HCN1: variants seen among roughly 807,000 people sequenced by gnomAD.
HCN1 encodes hyperpolarization activated cyclic nucleotide gated potassium channel 1, also known as potassium/sodium hyperpolarization-activated cyclic nucleotide-gated channel 1.
HCN1 carries 13 observed loss-of-function variants against 78.9 expected under a neutral mutation model. That is an observed-to-expected ratio of 0.16 (90% CI 0.11 to 0.26). HCN1 has a LOEUF of 0.26. Among genes scored for constraint, HCN1 ranks in the 10% least tolerant of loss-of-function variants. The probability of loss-of-function intolerance (pLI) is 1.00; values close to 1 mark genes in which losing one functional copy is unlikely to be tolerated. For missense variants in HCN1, 810 were observed against 1,154.3 expected (o/e 0.70, Z 4.32); for synonymous variants, 552 against 455.5 (o/e 1.21, Z -2.70).
chr5:45,595,055 A>G (rs1663475973), intron 2 of HCN1, among the ~76,000 whole-genome samples: 1 of 152,240 alleles, frequency 6.6e-6, no homozygotes, highest in African/African-American at 2.4e-5. Context: ...GAAAAGAAAG[A>G]CAAATGGTAA....
chr5:45,475,471 G>A (rs1034101389), intron 2 of HCN1, among the ~76,000 whole-genome samples: 1 of 152,002 alleles, frequency 6.6e-6, no homozygotes, highest in African/African-American at 2.4e-5. Flanking sequence ...GAGCTAATGG[G>A]CTAACTCTGT....
At chr5:45,344,959 C>A (rs889883880) in intron 5 of HCN1, among the ~76,000 whole-genome samples, 2 of 152,204 alleles carry the variant, frequency 1.3e-5, no homozygotes, top group African/African-American at 4.8e-5. Flanking sequence ...CCCTACCACA[C>A]TGCCCTAGCA....
intron 2 of HCN1, among the ~76,000 whole-genome samples, chr5:45,534,887 A>G (rs1288487754): frequency 1.3e-5 from 2 of 152,228 alleles, no homozygotes; most frequent in Non-Finnish European, 2.9e-5. Context: ...TCCAACCTAT[A>G]AAATTAAAAA....
chr5:45,411,425 T>G (rs1359882223), intron 3 of HCN1, among the ~76,000 whole-genome samples: 1 of 151,970 alleles, frequency 6.6e-6, no homozygotes, highest in Non-Finnish European at 1.5e-5. Flanking sequence ...AATTCCTATT[T>G]CTGATGAGCT....
chr5:45,625,264 T>C (rs1382488880), intron 2 of HCN1, among the ~76,000 whole-genome samples: 2 of 151,878 alleles, frequency 1.3e-5, no homozygotes, highest in African/African-American at 2.4e-5. Context: ...GACCATGCCA[T>C]TGCACTCCAG....
At chr5:45,559,879 T>G (rs1245002007) in intron 2 of HCN1, 1 of 152,194 alleles carries the variant, frequency 6.6e-6, no homozygotes, top group East Asian at 1.9e-4. Flanking sequence ...CATTGTTGTC[T>G]TATTTTAAGA....
chr5:45,452,235 C>G (rs895823071), intron 3 of HCN1, among the ~76,000 whole-genome samples: 1 of 151,384 alleles, frequency 6.6e-6, no homozygotes, highest in Non-Finnish European at 1.5e-5. Flanking sequence ...GGATGTAGAA[C>G]AGAGACAGGT....
At chr5:45,530,494 A>C (rs899892879) in intron 2 of HCN1, among the ~76,000 whole-genome samples, 1 of 151,216 alleles carries the variant, frequency 6.6e-6, no homozygotes, top group Non-Finnish European at 1.5e-5. Flanking sequence ...TGGCTATTAC[A>C]CAATTAGTAA....
intron 3 of HCN1, among the ~76,000 whole-genome samples, chr5:45,437,939 T>C (rs1740589525): frequency 6.6e-6 from 1 of 152,152 alleles, no homozygotes; most frequent in African/African-American, 2.4e-5. Context: ...TTTTCATGTG[T>C]GTATTGGCAG....
Position 45,625,093 on chromosome 5 carries a change from G to A in HCN1, c.849+20092C>T, listed in dbSNP as rs148156149. Reference sequence around the variant, plus strand: ...TGGCTGGGCGTAGTGGCTCATGCCTGTAACCCCAGCTCTTTGGGAGCCAAC... The same window carrying A: ...TGGCTGGGCGTAGTGGCTCATGCCTATAACCCCAGCTCTTTGGGAGCCAAC... On this transcript the variant is annotated intron_variant, in intron 2 of 7. Transcript: ENST00000303230. Among the ~76,000 whole-genome samples, 75 of 152,216 alleles carry A rather than the reference G, an allele frequency of 4.9e-4. No individual in the cohort carries two copies. The East Asian group carries it at 0.011, about 22-fold the overall frequency.
intron 5 of HCN1, among the ~76,000 whole-genome samples, chr5:45,326,291 A>C (rs1746232620): frequency 6.6e-6 from 1 of 151,814 alleles, no homozygotes; most frequent in Non-Finnish European, 1.5e-5. Context: ...TTCATGAAAG[A>C]AATTTATATA....
At chr5:45,301,120 C>A (rs921385167) in intron 6 of HCN1, among the ~76,000 whole-genome samples, 1 of 151,768 alleles carries the variant, frequency 6.6e-6, no homozygotes, top group Non-Finnish European at 1.5e-5. Flanking sequence ...CAAATATTTC[C>A]TAATAAATAT....
At chr5:45,339,165 G>T (rs184592510) in intron 5 of HCN1, among the ~76,000 whole-genome samples, 1 of 152,194 alleles carries the variant, frequency 6.6e-6, no homozygotes, top group East Asian at 1.9e-4. Context: ...CTTTTACTCA[G>T]TAAATATTTC....
At chr5:45,595,799 T>C (rs978157688) in intron 2 of HCN1, among the ~76,000 whole-genome samples, 4 of 151,958 alleles carry the variant, frequency 2.6e-5, no homozygotes, top group African/African-American at 7.2e-5. Flanking sequence ...GTGGATGATA[T>C]AGCTATTCCC....
intron 1 of HCN1, among the ~76,000 whole-genome samples, chr5:45,660,579 C>T (rs553126078): frequency 5.3e-5 from 8 of 152,042 alleles, no homozygotes; most frequent in Admixed American, 2.0e-4. Context: ...CAGAGACACA[C>T]ATAGGCTCAA....
At chr5:45,417,820 C>T (rs1260074091) in intron 3 of HCN1, among the ~76,000 whole-genome samples, 4 of 143,282 alleles carry the variant, frequency 2.8e-5, no homozygotes, top group Middle Eastern at 3.3e-3. Context: ...TGGAAAATTT[C>T]AATCCTCCAA....
chr5:45,411,320 A>T (rs1273256391), intron 3 of HCN1, among the ~76,000 whole-genome samples: 1 of 151,956 alleles, frequency 6.6e-6, no homozygotes, highest in Non-Finnish European at 1.5e-5. Context: ...AGTATTTGCA[A>T]CAATCTGTTT....
rs143398175 is a variant in HCN1 at position 45,411,323 on chromosome 5, A to G, written c.1012-14613T>C. Among the ~76,000 whole-genome samples, 463 of 151,904 alleles carry G rather than the reference A, an allele frequency of 3.0e-3. 1 individual carries two copies. Among genetic ancestry groups the G allele is most frequent in the African/African-American group, 0.011 (441 of 41,482 alleles). ...CACAGAGAAAAGAGTATTTGCAACA[A>G]TCTGTTTTATTTTCCCTCTCTTTCT... On this transcript the variant is annotated intron_variant, in intron 3 of 7. Coordinates refer to ENST00000303230, the MANE Select transcript of HCN1 (RefSeq NM_021072.4).
At chr5:45,375,424 G>T (rs1247282529) in intron 4 of HCN1, among the ~76,000 whole-genome samples, 1 of 114,322 alleles carries the variant, frequency 8.7e-6, no homozygotes, top group Non-Finnish European at 1.6e-5. Context: ...CATATTTTAT[G>T]ATACATATTA....
Sources: allele counts gnomAD v4.1 joint callset (sites outside exome capture counted in the v4.1 genomes callset), GRCh38; gene constraint gnomAD v4.1.1; transcripts MANE v1.5; gene names NCBI Gene and HGNC (gene_info 2026-07-23, HGNC 2026-07-21).